PPP1R1C: variants seen among roughly 807,000 people sequenced by gnomAD.
PPP1R1C encodes the protein protein phosphatase 1 regulatory inhibitor subunit 1C, also known as protein phosphatase 1 regulatory subunit 1C.
PPP1R1C carries 15 observed loss-of-function variants against 17.4 expected under a neutral mutation model. The ratio of observed to expected loss-of-function variants is 0.86; its 90% CI spans 0.58 to 1.33. PPP1R1C has a LOEUF of 1.33. Ranked by LOEUF, PPP1R1C falls within the 40% of genes most tolerant of loss-of-function variation. The probability of loss-of-function intolerance (pLI) is 0.00; values close to 1 mark genes in which losing one functional copy is unlikely to be tolerated. For missense variants in PPP1R1C, 143 were observed against 130.0 expected (o/e 1.10, Z -0.48); for synonymous variants, 35 against 43.1 (o/e 0.81, Z 0.73).
chr2:182,002,937 C>A lies in PPP1R1C; in HGVS notation c.142+15038C>A, dbSNP rs201320288. On this transcript the variant is annotated intron_variant, in intron 2 of 4. Coordinates refer to ENST00000682840, the MANE Select transcript of PPP1R1C (RefSeq NM_001080545.3). ...AGAGTGATGCCATAAACCTCCCCCC[C>A]CCCACAACCCTGAAATCCCCCAGAA... is the stretch of plus-strand genomic sequence containing the variant. 3.7e-4 allele frequency among the ~76,000 whole-genome samples: 51 copies of A among 137,966 alleles called. No individual in the cohort carries two copies. The East Asian group carries it at 5.3e-3, about 14-fold the overall frequency. The allele number at this position is 137,966 out of a possible 152,430, so 90.5% of individuals were successfully genotyped here.
At chr2:182,014,316 G>C (rs1213316607) in intron 2 of PPP1R1C, among the ~76,000 whole-genome samples, 1 of 152,154 alleles carries the variant, frequency 6.6e-6, no homozygotes, top group Admixed American at 6.5e-5. Context: ...TGCCTTGGGG[G>C]TCTTGTTAAA....
At chr2:182,010,633 T>A (rs1322206018) in intron 2 of PPP1R1C, among the ~76,000 whole-genome samples, 1 of 152,058 alleles carries the variant, frequency 6.6e-6, no homozygotes, top group Non-Finnish European at 1.5e-5. Context: ...TTATCTAATT[T>A]CTCTAGCTAG....
chr2:182,086,942 AC>A (rs1688645986), intron 4 of PPP1R1C, among the ~76,000 whole-genome samples: 1 of 151,642 alleles, frequency 6.6e-6, no homozygotes, highest in Admixed American at 6.6e-5. Flanking sequence ...AAAAAAAAAA[AC>A]AAAAACACTT....
At chr2:182,130,512 G>A (rs923544811), downstream of PPP1R1C, 1 of 152,132 alleles carries the variant, frequency 6.6e-6, no homozygotes, top group Non-Finnish European at 1.5e-5. Flanking sequence ...TGAATCAAAG[G>A]AAGGGAACAA....
chr2:182,005,067 A>C (rs1685877202), intron 2 of PPP1R1C, among the ~76,000 whole-genome samples: 1 of 152,210 alleles, frequency 6.6e-6, no homozygotes, highest in Non-Finnish European at 1.5e-5. Context: ...AGCTGCTAGT[A>C]TTATAAACTA....
At chr2:182,104,017 G>A (rs576458599) in intron 4 of PPP1R1C, among the ~76,000 whole-genome samples, 2 of 152,336 alleles carry the variant, frequency 1.3e-5, no homozygotes, top group South Asian at 4.1e-4. Context: ...GATTAATTAA[G>A]TGTGTTTGGT....
chr2:181,997,019 G>C (rs1431812460), intron 2 of PPP1R1C, among the ~76,000 whole-genome samples: 4 of 151,880 alleles, frequency 2.6e-5, no homozygotes, highest in Non-Finnish European at 4.4e-5. Context: ...CACGAGGTCA[G>C]GAGATCGAGA....
intron 1 of PPP1R1C, among the ~76,000 whole-genome samples, chr2:181,971,186 C>G (rs910253826): frequency 2.6e-5 from 4 of 152,146 alleles, no homozygotes; most frequent in African/African-American, 9.7e-5. Flanking sequence ...CTAGTCACAC[C>G]TGAAGCCAGC....
intron 4 of PPP1R1C, among the ~76,000 whole-genome samples, chr2:182,069,054 C>T (rs780010339): frequency 1.3e-5 from 2 of 152,196 alleles, no homozygotes; most frequent in South Asian, 2.1e-4. Flanking sequence ...TCTCATCAGG[C>T]CATCTCCACC....
At chr2:182,112,261 C>T (rs1237197802) in intron 4 of PPP1R1C, among the ~76,000 whole-genome samples, 2 of 151,968 alleles carry the variant, frequency 1.3e-5, no homozygotes, top group African/African-American at 4.8e-5. Context: ...TCTGTGTTTC[C>T]CAGAGTTCAG....
downstream of PPP1R1C, among the ~76,000 whole-genome samples, chr2:182,118,452 T>C (rs889710337): frequency 5.9e-5 from 9 of 152,124 alleles, no homozygotes; most frequent in African/African-American, 2.2e-4. Context: ...TTATTAATAA[T>C]ATTAATGAAA....
chr2:181,979,505 A>G (rs111298047), intron 2 of PPP1R1C, among the ~76,000 whole-genome samples: 43 of 152,360 alleles, frequency 2.8e-4, no homozygotes, highest in African/African-American at 9.6e-4. Flanking sequence ...TAAAAAACCT[A>G]AATCAAATTG....
At chr2:181,974,102 T>C in intron 1 of PPP1R1C, among the ~76,000 whole-genome samples, 1 of 152,102 alleles carries the variant, frequency 6.6e-6, no homozygotes. Context: ...TTGGAGTATT[T>C]ATAAGGCTTT....
rs893192504 is a variant in PPP1R1C, at chr2:182,020,925, C to A, written c.142+33026C>A. 2.0e-5 allele frequency among the ~76,000 whole-genome samples: 3 copies of A among 152,276 alleles called. No homozygotes were observed. The South Asian group carries it at 6.2e-4, about 32-fold the overall frequency. On this transcript the variant is annotated intron_variant, in intron 2 of 4. Coordinates refer to ENST00000682840, the MANE Select transcript of PPP1R1C (RefSeq NM_001080545.3). ...CTCCTCTCTAGAAGGTCACTTTATC[C>A]AAATACACTTGTCTGTGCTTATCTG...
At chr2:181,990,501 C>T (rs1022117344) in intron 2 of PPP1R1C, among the ~76,000 whole-genome samples, 12 of 152,094 alleles carry the variant, frequency 7.9e-5, no homozygotes, top group African/African-American at 2.7e-4. Context: ...CTTTCAACCT[C>T]ACAGGGTTGT....
At chr2:181,996,907 T>C (rs1295548627) in intron 2 of PPP1R1C, among the ~76,000 whole-genome samples, 1 of 152,230 alleles carries the variant, frequency 6.6e-6, no homozygotes, top group Non-Finnish European at 1.5e-5. Flanking sequence ...CTTTTTCCCC[T>C]GTCTGATGAT....
At chr2:182,033,487 C>G (rs1686907372) in intron 2 of PPP1R1C, among the ~76,000 whole-genome samples, 1 of 152,144 alleles carries the variant, frequency 6.6e-6, no homozygotes, top group Non-Finnish European at 1.5e-5. Flanking sequence ...TTTAACTTTC[C>G]AAACTTGCTC....
intron 2 of PPP1R1C, among the ~76,000 whole-genome samples, chr2:182,019,943 G>A (rs985460894): frequency 1.6e-4 from 24 of 152,290 alleles, no homozygotes; most frequent in Admixed American, 1.0e-3. Flanking sequence ...CTGTAACAGC[G>A]ACTTGAGAAC....
intron 2 of PPP1R1C, among the ~76,000 whole-genome samples, chr2:182,044,236 G>A (rs969703477): frequency 6.6e-6 from 1 of 152,136 alleles, no homozygotes; most frequent in Non-Finnish European, 1.5e-5. Flanking sequence ...ATCTGGTCAT[G>A]CCTCTTTCTG....
Sources: gnomAD v4.1 joint callset for allele counts (sites outside exome capture counted in the v4.1 genomes callset) on GRCh38, gnomAD v4.1.1 for gene constraint, MANE v1.5 for transcripts, NCBI Gene and HGNC (gene_info 2026-07-23, HGNC 2026-07-21) for gene names.